SEL1L: variants seen among roughly 807,000 people sequenced by gnomAD.
SEL1L encodes protein sel-1 homolog 1.
SEL1L carries 52 observed loss-of-function variants against 109.8 expected under a neutral mutation model. That is an observed-to-expected ratio of 0.47 (90% CI 0.38 to 0.60). The LOEUF (loss-of-function observed/expected upper bound fraction) is 0.60. Ranked by LOEUF, SEL1L falls within the 20% of genes least tolerant of loss-of-function variation. The pLI is 0.00. For missense variants in SEL1L, 749 were observed against 962.2 expected, an observed-to-expected ratio of 0.78 and a Z score of 2.93; for synonymous variants, 373 against 339.6, an observed-to-expected ratio of 1.10 and a Z score of -1.08.
At chr14:81,480,749 T>G (rs1903327649) in intron 19 of SEL1L, among the ~76,000 whole-genome samples, 1 of 152,186 alleles carries the variant, frequency 6.6e-6, no homozygotes, top group Non-Finnish European at 1.5e-5. Flanking sequence ...CAAGAGGTAC[T>G]TGCATGGACA....
In SEL1L at chr14:81,471,844, T is replaced by C. The variant is rs1272358245; in HGVS notation, c.*5128A>G. The C allele has an allele frequency of 6.6e-6, 1 of 152,166 alleles. No individual in the cohort carries two copies. The highest frequency in any genetic ancestry group is 2.4e-5 in the African/African-American group (1 of 41,430). 9.4% of individuals were successfully genotyped at this position (152,166 alleles called of 1,614,324 possible). Reference sequence around the variant, plus strand: ...TGGCGAAGTAGTGACGTAAGTGACATGAGAAGGAACGTACAAAGCCCATTA... The same window carrying C: ...TGGCGAAGTAGTGACGTAAGTGACACGAGAAGGAACGTACAAAGCCCATTA... On this transcript the variant is annotated 3_prime_UTR_variant, in exon 21 of 21. Coordinates refer to ENST00000336735, the MANE Select transcript of SEL1L (RefSeq NM_005065.6).
intron 15 of SEL1L, 98 bp from the exon 16 acceptor site, chr14:81,487,636 A>G (rs1903561911): frequency 6.6e-7 from 1 of 1,525,614 alleles, no homozygotes; most frequent in African/African-American, 1.4e-5. Flanking sequence ...TAATGAAAGA[A>G]TTCTTACTGA....
At chr14:81,492,083 C>T (rs1208515448) in intron 12 of SEL1L, among the ~76,000 whole-genome samples, 5 of 151,778 alleles carry the variant, frequency 3.3e-5, no homozygotes, top group African/African-American at 7.3e-5. Context: ...AGTGCAGTGG[C>T]GTGGTCTCGA....
chr14:81,488,527 C>T (rs1030246471), intron 14 of SEL1L, among the ~76,000 whole-genome samples: 3 of 152,106 alleles, frequency 2.0e-5, no homozygotes, highest in Admixed American at 6.6e-5. Context: ...TAGTTTCAGC[C>T]TCAAATTAAA....
In SEL1L at chr14:81,498,031, G is replaced by A. The variant is rs755417469; in HGVS notation, c.989C>T (p.Ser330Leu). ...CTGTACTACTGAGCCTCCTGTTAGC[G>A]AGATATCACTAGCAACTGAAATAGA... ...LVANHVASDI[S>L]LTGGSVVQRI... The change falls in exon 10 of 21, where the codon TCG (serine) becomes TTG (leucine). Residue 330 changes from serine to leucine, a missense_variant. Coordinates refer to ENST00000336735, the MANE Select transcript of SEL1L (RefSeq NM_005065.6). 23 of 1,612,700 alleles carry A rather than the reference G, an allele frequency of 1.4e-5. No homozygotes were observed. The highest frequency in any genetic ancestry group is 1.8e-5 in the Non-Finnish European group (21 of 1,179,626).
Position 81,495,099 on chromosome 14 carries a change from T to A in SEL1L, c.1167A>T (p.Gly389=). Residue 389 remains glycine, a synonymous_variant, in exon 11 of 21, where the codon GGA becomes GGT. Coordinates refer to ENST00000336735, the MANE Select transcript of SEL1L (RefSeq NM_005065.6). ...TAGTTACCTGATGATTCTGTTCTAC[T>A]CCACGCCCTCCGTGCAGGTGCAGTT... ...LGQLHLHGGR[G]VEQNHQRAFD... 1 of 1,614,110 alleles carries A rather than the reference T, an allele frequency of 6.2e-7. No homozygotes were observed. Among genetic ancestry groups the A allele is most frequent in the East Asian group, 2.2e-5 (1 of 44,874 alleles).
At chr14:81,519,195 G>A (rs1007890663) in intron 3 of SEL1L, among the ~76,000 whole-genome samples, 2 of 152,222 alleles carry the variant, frequency 1.3e-5, no homozygotes, top group Admixed American at 1.3e-4. Flanking sequence ...GTTGCTGCTG[G>A]ATTTAAGCAC....
chr14:81,513,463 C>T (rs373151201), intron 3 of SEL1L, among the ~76,000 whole-genome samples: 7 of 152,172 alleles, frequency 4.6e-5, no homozygotes, highest in Admixed American at 2.0e-4. Flanking sequence ...ACTCCAGACG[C>T]GCCACCTTAA....
intron 19 of SEL1L, among the ~76,000 whole-genome samples, chr14:81,480,766 G>C (rs1444972891): frequency 2.0e-5 from 3 of 152,176 alleles, no homozygotes; most frequent in Non-Finnish European, 4.4e-5. Context: ...GACATGTTAA[G>C]GGACTCGATT....
chr14:81,499,684 A>G, intron 6 of SEL1L, 22 bp from the exon 7 acceptor site: 1 of 1,593,638 alleles, frequency 6.3e-7, no homozygotes. Flanking sequence ...GATAAAAGTA[A>G]GAAATCTTGC....
chr14:81,492,408 C>T lies in SEL1L; in HGVS notation c.1254+72G>A, dbSNP rs1883576529. ...ATTTATTTTTGGTAAATTGTAGATC[C>T]TGAACACAATACATGCTAATTATGC... On this transcript the variant is annotated intron_variant, in intron 12 of 20. Transcript: ENST00000336735. 3 of 1,091,360 alleles carry T rather than the reference C, an allele frequency of 2.7e-6. No homozygotes were observed. In the Admixed American group the frequency reaches 5.6e-5, roughly 20 times the overall value. The allele number at this position is 1,091,360 out of a possible 1,614,324, so 67.6% of individuals were successfully genotyped here.
At chr14:81,514,927 TG>T (rs1316990802) in intron 3 of SEL1L, among the ~76,000 whole-genome samples, 4 of 152,212 alleles carry the variant, frequency 2.6e-5, no homozygotes, top group African/African-American at 9.6e-5. Context: ...TGACCTTTTC[TG>T]TAAGAGGGAA....
intron 5 of SEL1L, among the ~76,000 whole-genome samples, chr14:81,503,808 T>C (rs1357381653): frequency 6.6e-6 from 1 of 152,150 alleles, no homozygotes; most frequent in Non-Finnish European, 1.5e-5. Context: ...TAATCACTTG[T>C]TCTGTTTTTT....
At chr14:81,528,849 A>G (rs1346865192) in intron 1 of SEL1L, among the ~76,000 whole-genome samples, 2 of 152,170 alleles carry the variant, frequency 1.3e-5, no homozygotes, top group African/African-American at 2.4e-5. Flanking sequence ...ACTCTAAAAT[A>G]TAACAAAAAA....
At chr14:81,479,324 G>A in intron 20 of SEL1L, 1 of 210,068 alleles carries the variant, frequency 4.8e-6, no homozygotes, top group Non-Finnish European at 9.4e-6. Context: ...GTTTCAAACT[G>A]CCATGAGTTA....
At chr14:81,532,023 C>T (rs1050660031) in intron 1 of SEL1L, among the ~76,000 whole-genome samples, 3 of 152,224 alleles carry the variant, frequency 2.0e-5, no homozygotes, top group African/African-American at 7.2e-5. Context: ...CCTCTACCTA[C>T]ATCAATACAA....
chr14:81,503,014 T>A (rs542921432), intron 5 of SEL1L, 131 bp from the exon 6 acceptor site: 5 of 732,376 alleles, frequency 6.8e-6, no homozygotes, highest in Non-Finnish European at 1.1e-5. Context: ...CTTTTTGAGA[T>A]GGAGTTTCAC....
At chr14:81,496,961 T>C (rs565439626) in intron 10 of SEL1L, among the ~76,000 whole-genome samples, 2 of 152,136 alleles carry the variant, frequency 1.3e-5, no homozygotes, top group East Asian at 3.9e-4. Flanking sequence ...AGATAACCAC[T>C]ACAAGAGTAG....
intron 13 of SEL1L, 125 bp from the exon 14 acceptor site, chr14:81,489,439 C>T: frequency 1.3e-6 from 1 of 747,054 alleles, no homozygotes; most frequent in Non-Finnish European, 2.2e-6. Context: ...CTTTTCAATT[C>T]AAAACAAAAC....
Sources: allele counts gnomAD v4.1 joint callset (sites outside exome capture counted in the v4.1 genomes callset), GRCh38; gene constraint gnomAD v4.1.1; transcripts MANE v1.5; gene names NCBI Gene and HGNC (gene_info 2026-07-23, HGNC 2026-07-21).